The following SSBP2 variants were observed in gnomAD, a reference collection of about 807,000 sequenced individuals.
The protein encoded by SSBP2 is single stranded DNA binding protein 2.
A neutral mutation model predicts 61.8 loss-of-function variants in SSBP2; 17 were observed. That is an observed-to-expected ratio of 0.28 (90% CI 0.19 to 0.41). The LOEUF (loss-of-function observed/expected upper bound fraction) is 0.41, where lower values mean the gene tolerates loss of function less well. Ranked by LOEUF, SSBP2 falls within the 10% of genes least tolerant of loss-of-function variation. The probability of loss-of-function intolerance (pLI) is 1.00; values close to 1 mark genes in which losing one functional copy is unlikely to be tolerated. For synonymous variants in SSBP2, 139 were observed against 141.3 expected, an observed-to-expected ratio of 0.98 and a Z score of 0.12; for missense variants, 310 against 458.7, an observed-to-expected ratio of 0.68 and a Z score of 2.96.
chr5:81,702,131 G>C (rs1174376617), intron 1 of SSBP2, among the ~76,000 whole-genome samples: 1 of 152,146 alleles, frequency 6.6e-6, no homozygotes, highest in Non-Finnish European at 1.5e-5. Context: ...CCAGCACTTT[G>C]GGAGGCCGAG....
intron 4 of SSBP2, among the ~76,000 whole-genome samples, chr5:81,586,960 T>C (rs1384409346): frequency 6.6e-6 from 1 of 152,104 alleles, no homozygotes; most frequent in Non-Finnish European, 1.5e-5. Flanking sequence ...TTATCACAAG[T>C]ATTTTCTGAA....
At chr5:81,656,845 C>T (rs190059157) in intron 1 of SSBP2, among the ~76,000 whole-genome samples, 95 of 151,420 alleles carry the variant, frequency 6.3e-4, no homozygotes, top group African/African-American at 2.2e-3. Context: ...GAAATGTGAA[C>T]GTGTAAATGG....
intron 4 of SSBP2, among the ~76,000 whole-genome samples, chr5:81,554,482 A>C (rs1450123343): frequency 1.3e-5 from 2 of 151,080 alleles, no homozygotes; most frequent in Non-Finnish European, 3.0e-5. Flanking sequence ...ATTAACACAA[A>C]GGCTCAAATT....
intron 4 of SSBP2, among the ~76,000 whole-genome samples, chr5:81,525,374 C>T (rs897181164): frequency 3.3e-5 from 5 of 151,958 alleles, no homozygotes; most frequent in African/African-American, 1.2e-4. Flanking sequence ...TGTTGTTCCC[C>T]TCTTTGTGTC....
rs114451228 is a variant in SSBP2, at chr5:81,420,436, T to A, written c.*68A>T. The stretch of plus-strand genomic sequence containing the variant: ...TTTAACTGTACACTGTGATGAATAA[T>A]TTTCTTCCGTAGTAGTTCTGTGAAG... On this transcript the variant is annotated 3_prime_UTR_variant, in exon 17 of 17. Coordinates refer to ENST00000320672, the MANE Select transcript of SSBP2 (RefSeq NM_012446.5). 2.0e-3 allele frequency: 2,986 copies of A among 1,461,554 alleles called. 48 individuals carry two copies. The African/African-American group carries it at 0.035, about 17-fold the overall frequency. The allele number at this position is 1,461,554 out of a possible 1,614,324, so 90.5% of individuals were successfully genotyped here. A position where few individuals can be genotyped will look rare whatever the true frequency, so the allele number is the denominator to read the frequency against.
At chr5:81,568,990 T>G (rs6888401) in intron 4 of SSBP2, among the ~76,000 whole-genome samples, 14,858 of 152,140 alleles carry the variant, frequency 0.098, 841 homozygotes, top group African/African-American at 0.13. Context: ...TTCAACGTCT[T>G]GATGAAATAT....
chr5:81,591,812 A>T (rs1775525658), intron 4 of SSBP2, among the ~76,000 whole-genome samples: 1 of 152,232 alleles, frequency 6.6e-6, no homozygotes, highest in Non-Finnish European at 1.5e-5. Context: ...CAAACAGCCT[A>T]ACATAATATA....
At chr5:81,746,863 A>T (rs933934235) in intron 1 of SSBP2, among the ~76,000 whole-genome samples, 5 of 152,132 alleles carry the variant, frequency 3.3e-5, no homozygotes, top group Non-Finnish European at 5.9e-5. Context: ...AATTAGTTTA[A>T]TAAAAAATTA....
intron 1 of SSBP2, among the ~76,000 whole-genome samples, chr5:81,725,097 T>C (rs544995100): frequency 6.6e-6 from 1 of 152,266 alleles, no homozygotes; most frequent in South Asian, 2.1e-4. Context: ...TAAGGTTTTG[T>C]TGTGATAAAG....
chr5:81,683,163 C>A (rs1752523151), intron 1 of SSBP2, among the ~76,000 whole-genome samples: 1 of 152,002 alleles, frequency 6.6e-6, no homozygotes, highest in Admixed American at 6.6e-5. Flanking sequence ...AAAATTAATT[C>A]TAAAATTTGT....
At chr5:81,706,557 T>G (rs1301939059) in intron 1 of SSBP2, among the ~76,000 whole-genome samples, 1 of 152,238 alleles carries the variant, frequency 6.6e-6, no homozygotes, top group Non-Finnish European at 1.5e-5. Context: ...TACATATACA[T>G]ATAAGGGATC....
intron 4 of SSBP2, among the ~76,000 whole-genome samples, chr5:81,533,265 A>G (rs1224905982): frequency 1.3e-5 from 2 of 152,072 alleles, no homozygotes; most frequent in Admixed American, 6.6e-5. Context: ...GAATTAAAAA[A>G]TACTCCTCTA....
chr5:81,582,734 C>T (rs1190168362), intron 4 of SSBP2, among the ~76,000 whole-genome samples: 1 of 152,134 alleles, frequency 6.6e-6, no homozygotes, highest in African/African-American at 2.4e-5. Context: ...GCTGGGATTA[C>T]AGGCGTGCAC....
chr5:81,582,798 T>C (rs562981040), intron 4 of SSBP2, among the ~76,000 whole-genome samples: 1 of 152,296 alleles, frequency 6.6e-6, no homozygotes, highest in East Asian at 1.9e-4. Flanking sequence ...TTCGTCATGT[T>C]GGCCAGGCTG....
intron 3 of SSBP2, among the ~76,000 whole-genome samples, chr5:81,635,199 T>TG (rs1209335095): frequency 6.6e-6 from 1 of 151,756 alleles, no homozygotes; most frequent in Non-Finnish European, 1.5e-5. Flanking sequence ...TATAAAGGTA[T>TG]GAACATAACT....
chr5:81,625,055 T>C (rs997030777), intron 3 of SSBP2, among the ~76,000 whole-genome samples: 1 of 152,168 alleles, frequency 6.6e-6, no homozygotes, highest in African/African-American at 2.4e-5. Context: ...ATATGCTACA[T>C]AACTTGATGT....
intron 12 of SSBP2, chr5:81,443,336 C>G (rs1182747045): frequency 2.0e-5 from 3 of 152,178 alleles, no homozygotes; most frequent in Admixed American, 6.5e-5. Context: ...AATATCTGTA[C>G]TGCATATCCA....
chr5:81,696,676 T>C (rs446064), intron 1 of SSBP2, among the ~76,000 whole-genome samples: 51,748 of 152,106 alleles, frequency 0.34, 9,322 homozygotes, highest in Middle Eastern at 0.54. Context: ...CTGCCGGGAC[T>C]ATGTTCCCTG....
chr5:81,556,866 A>C (rs1000767205), intron 4 of SSBP2, among the ~76,000 whole-genome samples: 15 of 152,162 alleles, frequency 9.9e-5, no homozygotes. Flanking sequence ...GCAGGTATCT[A>C]GCCCAAAGGA....
Sources: gnomAD v4.1 joint callset for allele counts (sites outside exome capture counted in the v4.1 genomes callset) on GRCh38, gnomAD v4.1.1 for gene constraint, MANE v1.5 for transcripts, NCBI Gene and HGNC (gene_info 2026-07-23, HGNC 2026-07-21) for gene names.